The following ZNF350 variants were observed in gnomAD, a reference collection of about 807,000 sequenced individuals.
The protein encoded by ZNF350 is zinc finger protein 350, also known as KRAB zinc finger protein ZFQR.
ZNF350 carries 5 observed loss-of-function variants against 13.1 expected under a neutral mutation model. The observed-to-expected ratio is 0.38, with a 90% CI of 0.20 to 0.80. The LOEUF (loss-of-function observed/expected upper bound fraction) is 0.80, where lower values mean the gene tolerates loss of function less well. ZNF350 is among the 30% of genes least tolerant of loss of function. ZNF350 has a pLI of 0.43. For missense variants in ZNF350, 534 were observed against 644.2 expected (o/e 0.83, Z 1.85); for synonymous variants, 199 against 224.2 (o/e 0.89, Z 1.00).
chr19:51,968,720 G>A lies in ZNF350; in HGVS notation c.143-47C>T, dbSNP rs1341820017. 4.5e-6 allele frequency: 7 copies of A among 1,571,060 alleles called. No homozygotes were observed. The African/African-American group carries it at 5.4e-5, about 12-fold the overall frequency. On this transcript the variant is annotated intron_variant, in intron 3 of 4. Coordinates refer to ENST00000243644, the MANE Select transcript of ZNF350 (RefSeq NM_021632.4). Reference sequence around the variant, plus strand: ...GGACTTAGACATATCAAATTGGGCTGGCAATGTCAAGAAGGAAGAATGTTA... The same window carrying A: ...GGACTTAGACATATCAAATTGGGCTAGCAATGTCAAGAAGGAAGAATGTTA...
chr19:51,968,718 C>G, intron 3 of ZNF350, 45 bp from the exon 4 acceptor site: 1 of 1,573,574 alleles, frequency 6.4e-7, no homozygotes, highest in Non-Finnish European at 8.7e-7. Flanking sequence ...TCAAATTGGG[C>G]TGGCAATGTC....
At chr19:51,982,968 G>A (rs575151348) in intron 1 of ZNF350, among the ~76,000 whole-genome samples, 1 of 152,176 alleles carries the variant, frequency 6.6e-6, no homozygotes, top group Non-Finnish European at 1.5e-5. Context: ...AAGGTGTGGG[G>A]GAAAGAGAGA....
At chr19:51,975,693 G>C (rs2085874223) in intron 1 of ZNF350, among the ~76,000 whole-genome samples, 1 of 152,196 alleles carries the variant, frequency 6.6e-6, no homozygotes, top group Non-Finnish European at 1.5e-5. Flanking sequence ...CCTCAAAACT[G>C]TCAGAATGGA....
At chr19:51,969,202 G>T in intron 2 of ZNF350, 71 bp from the exon 3 acceptor site, 1 of 1,568,454 alleles carries the variant, frequency 6.4e-7, no homozygotes. Context: ...AAGTTTTTCT[G>T]CTCATTTCCA....
rs139783218 is a variant in ZNF350 at position 51,966,346 on chromosome 19, C to T, written c.239-132G>A. On this transcript the variant is annotated intron_variant, in intron 4 of 4. Transcript: ENST00000243644. The stretch of plus-strand genomic sequence containing the variant: ...TTGTCCAGGCTGGAGTGCAATGCTG[C>T]GATCTCAGCTCACTGCAACCTCTGC... The T allele has an allele frequency of 4.4e-3, 3,867 of 888,028 alleles. 109 individuals carry two copies. In the African/African-American group the frequency reaches 0.06, roughly 14 times the overall value. 55.0% of individuals were successfully genotyped at this position (888,028 alleles called of 1,614,324 possible).
At chr19:51,966,241 A>G (rs1441435452) in intron 4 of ZNF350, 27 bp from the exon 5 acceptor site, 7 of 1,525,956 alleles carry the variant, frequency 4.6e-6, no homozygotes, top group Non-Finnish European at 6.1e-6. Context: ...AAAGATTTCT[A>G]TCATTTAGAT....
At chr19:51,981,101 TCATGAATA>T (rs1156368427) in intron 1 of ZNF350, 7 of 152,198 alleles carry the variant, frequency 4.6e-5, no homozygotes, top group Admixed American at 4.6e-4. Context: ...AAACTGTTTA[TCATGAATA>T]CAGGATGTGA....
chr19:51,976,807 G>A lies in ZNF350; in HGVS notation c.-171-2276C>T, dbSNP rs2085908866. ...ATCGTTTCCACAGGCAGGCACTCTT[G>A]ATGTGGAAAATTGGGATACAGCAGG... On this transcript the variant is annotated intron_variant, in intron 1 of 4. Coordinates refer to ENST00000243644, the MANE Select transcript of ZNF350 (RefSeq NM_021632.4). This position sits in a 1 kb window ranked among gnomAD's most constrained non-coding sequence, Gnocchi z 4.5. 1.3e-5 allele frequency: 2 copies of A among 152,202 alleles called. No homozygotes were observed. Among genetic ancestry groups the A allele is most frequent in the Admixed American group, 6.5e-5 (1 of 15,292 alleles). 9.4% of individuals were successfully genotyped at this position (152,202 alleles called of 1,614,324 possible).
chr19:51,975,443 A>C lies in ZNF350; in HGVS notation c.-171-912T>G, dbSNP rs541110628. On this transcript the variant is annotated intron_variant, in intron 1 of 4. Coordinates refer to ENST00000243644, the MANE Select transcript of ZNF350 (RefSeq NM_021632.4). ...AAACCTCGTCTTAAAAAAAAAAAAA[A>C]AAAAAAAAACTAGTAATTGTTTTAA... 1.7e-3 allele frequency among the ~76,000 whole-genome samples: 257 copies of C among 151,624 alleles called. 1 individual carries two copies. Among genetic ancestry groups the C allele is most frequent in the Non-Finnish European group, 3.1e-3 (209 of 67,870 alleles).
intron 1 of ZNF350, among the ~76,000 whole-genome samples, chr19:51,975,733 G>A (rs1568484126): frequency 6.6e-6 from 1 of 152,094 alleles, no homozygotes; most frequent in African/African-American, 2.4e-5. Context: ...AACATCTGGG[G>A]TTTATTTTAT....
chr19:51,983,826 C>T (rs1171450195), intron 1 of ZNF350, among the ~76,000 whole-genome samples: 2 of 152,146 alleles, frequency 1.3e-5, no homozygotes, highest in South Asian at 2.1e-4. Context: ...TGCTGAACAC[C>T]AGTCCCCTGG....
rs1399780105 is a variant in ZNF350, at chr19:51,965,314, C to T, written c.1139G>A (p.Gly380Glu). Residue 380 changes from glycine to glutamate, a missense_variant, in exon 5 of 5, where the codon GGG becomes GAG. Gly to Glu is a moderately conservative substitution (Grantham distance 98). Coordinates refer to ENST00000243644, the MANE Select transcript of ZNF350 (RefSeq NM_021632.4). Reference protein sequence around the residue: ...GEKPFECSECGKAFSTKQKLI... With the variant: ...GEKPFECSECEKAFSTKQKLI... ...CTTTTGCTTTGTGCTAAAGGCTTTC[C>T]CACATTCACTACATTCAAAGGGTTT... 2.5e-6 allele frequency: 4 copies of T among 1,613,934 alleles called. No homozygotes were observed. Among genetic ancestry groups the T allele is most frequent in the Non-Finnish European group, 3.4e-6 (4 of 1,179,864 alleles).
At position 51,965,797 on chromosome 19, in the gene ZNF350, G is replaced by C. The variant is rs760467118; in HGVS notation, c.656C>G (p.Ser219Cys). The change falls in exon 5 of 5, where the codon TCT becomes TGT. Residue 219 changes from serine to cysteine, a missense_variant. Ser to Cys is a moderately radical substitution (Grantham distance 112, BLOSUM62 -1). Coordinates refer to ENST00000243644, the MANE Select transcript of ZNF350 (RefSeq NM_021632.4). ...SECGKAFIKKSWLTDHQVMHT... is the reference protein window; with the variant it reads ...SECGKAFIKKCWLTDHQVMHT... The stretch of plus-strand genomic sequence containing the variant: ...CATTACCTGGTGATCAGTTAGCCAA[G>C]ACTTCTTGATGAAGGCTTTCCCACA... The C allele has an allele frequency of 3.1e-6, 5 of 1,613,984 alleles. No homozygotes were observed. The highest frequency in any genetic ancestry group is 4.2e-6 in the Non-Finnish European group (5 of 1,179,998).
intron 1 of ZNF350, among the ~76,000 whole-genome samples, chr19:51,980,483 C>G (rs1013633755): frequency 6.6e-6 from 1 of 152,202 alleles, no homozygotes; most frequent in Non-Finnish European, 1.5e-5. Context: ...TGGACACGCA[C>G]AGCTGACCAA....
At chr19:51,979,081 T>C (rs961164450) in intron 1 of ZNF350, among the ~76,000 whole-genome samples, 1 of 152,040 alleles carries the variant, frequency 6.6e-6, no homozygotes, top group East Asian at 1.9e-4. Flanking sequence ...GTACGAGCTA[T>C]GAGTCAGCTG....
At chr19:51,982,663 G>C (rs1311418006) in intron 1 of ZNF350, among the ~76,000 whole-genome samples, 1 of 152,018 alleles carries the variant, frequency 6.6e-6, no homozygotes, top group African/African-American at 2.4e-5. Flanking sequence ...ATACTGAAAA[G>C]TTTAAATAGC....
intron 4 of ZNF350, 76 bp from the exon 5 acceptor site, chr19:51,966,290 G>GTTT: frequency 7.4e-6 from 8 of 1,083,304 alleles, no homozygotes; most frequent in Admixed American, 3.1e-5. Context: ...TGTTTTTTTT[G>GTTT]TTTTTTTTTT....
chr19:51,965,917 G>C lies in ZNF350; in HGVS notation c.536C>G (p.Pro179Arg). The C allele has an allele frequency of 6.2e-7, 1 of 1,614,074 alleles. No individual in the cohort carries two copies. The highest frequency in any genetic ancestry group is 8.5e-7 in the Non-Finnish European group (1 of 1,180,036). Residue 179 changes from proline (P) to arginine (R), a missense_variant, in exon 5 of 5, where the codon CCT becomes CGT. Pro to Arg is a moderately radical substitution (Grantham distance 103). Transcript: ENST00000243644. ...HERLHTAIKFPASQKLISTKS... is the reference protein window; with the variant it reads ...HERLHTAIKFRASQKLISTKS... The stretch of plus-strand genomic sequence containing the variant: ...AGTGCTGATGAGTTTTTGACTTGCA[G>C]GGAATTTAATTGCAGTATGAAGTCG...
At chr19:51,986,034 T>C (rs2086151897) in intron 1 of ZNF350, among the ~76,000 whole-genome samples, 1 of 151,726 alleles carries the variant, frequency 6.6e-6, no homozygotes. Context: ...AAATAAAAAA[T>C]AAAAGAAGTG....
Sources: allele counts gnomAD v4.1 joint callset (sites outside exome capture counted in the v4.1 genomes callset), GRCh38; gene constraint gnomAD v4.1.1; non-coding constraint Gnocchi (gnomAD v3.1); transcripts MANE v1.5; gene names NCBI Gene and HGNC (gene_info 2026-07-23, HGNC 2026-07-21).